The following RAD51B variants were observed in gnomAD, a reference collection of about 807,000 sequenced individuals.
RAD51B encodes the protein DNA repair protein RAD51 homolog 2.
RAD51B carries 38 observed loss-of-function variants against 42.2 expected under a neutral mutation model. The observed-to-expected ratio is 0.90, with a 90% CI of 0.70 to 1.18. The LOEUF is 1.18. Among genes scored for constraint, RAD51B ranks in the 50% most tolerant of loss-of-function variants. The pLI, the probability that RAD51B is intolerant of heterozygous loss-of-function variation, is 0.00. For synonymous variants in RAD51B, 154 were observed against 145.2 expected (o/e 1.06, Z -0.43); for missense variants, 373 against 400.7 (o/e 0.93, Z 0.59).
chr14:68,005,317 G>T (rs2075569704), intron 7 of RAD51B, among the ~76,000 whole-genome samples: 1 of 152,112 alleles, frequency 6.6e-6, no homozygotes, highest in Non-Finnish European at 1.5e-5. Context: ...CTCCCAAAGT[G>T]CTGGGATTAC....
At chr14:68,121,959 A>G (rs1018199854) in intron 7 of RAD51B, among the ~76,000 whole-genome samples, 83 of 151,916 alleles carry the variant, frequency 5.5e-4, no homozygotes, top group African/African-American at 1.9e-3. Context: ...TCTTATATAT[A>G]TATATTTCAC....
intron 7 of RAD51B, among the ~76,000 whole-genome samples, chr14:68,260,124 A>G (rs2080847588): frequency 6.6e-6 from 1 of 152,102 alleles, no homozygotes; most frequent in Admixed American, 6.5e-5. Context: ...GGAGGCCTCT[A>G]TGAGGAGGAC....
intron 7 of RAD51B, among the ~76,000 whole-genome samples, chr14:68,198,324 T>C (rs2079415607): frequency 6.6e-6 from 1 of 152,194 alleles, no homozygotes; most frequent in Non-Finnish European, 1.5e-5. Context: ...ACCACTCCTA[T>C]GTTGCTTAGG....
chr14:67,995,458 C>T (rs1161977596), intron 7 of RAD51B, among the ~76,000 whole-genome samples: 1 of 152,128 alleles, frequency 6.6e-6, no homozygotes, highest in African/African-American at 2.4e-5. Context: ...AAGTCATCTA[C>T]TCCACATGTC....
At chr14:68,559,289 T>C (rs1344737281) in intron 10 of RAD51B, among the ~76,000 whole-genome samples, 1 of 152,120 alleles carries the variant, frequency 6.6e-6, no homozygotes, top group African/African-American at 2.4e-5. Context: ...GTGTCATACA[T>C]GTAATATAAA....
chr14:68,212,865 GT>G (rs1475020212), intron 7 of RAD51B, among the ~76,000 whole-genome samples: 6 of 152,156 alleles, frequency 3.9e-5, no homozygotes, highest in Non-Finnish European at 8.8e-5. Flanking sequence ...CATCTTATTG[GT>G]TATGGAAATG....
chr14:68,481,743 A>G (rs1039389930), downstream of RAD51B, among the ~76,000 whole-genome samples: 1 of 152,226 alleles, frequency 6.6e-6, no homozygotes, highest in African/African-American at 2.4e-5. Flanking sequence ...TTTCTCTTTC[A>G]TCCCTTGCCC....
chr14:67,921,905 G>A (rs958097833), intron 7 of RAD51B, among the ~76,000 whole-genome samples: 1 of 152,072 alleles, frequency 6.6e-6, no homozygotes, highest in Non-Finnish European at 1.5e-5. Flanking sequence ...GTGTGTTAGT[G>A]TGCTCTGCGA....
chr14:68,497,011 CT>C (rs935841622), intron 10 of RAD51B: 9 of 1,095,388 alleles, frequency 8.2e-6, no homozygotes, highest in African/African-American at 1.6e-5. Flanking sequence ...GGGGCATGAA[CT>C]TTTTTCCCCA....
chr14:67,842,299 C>A (rs568953412), intron 4 of RAD51B, among the ~76,000 whole-genome samples: 4 of 152,100 alleles, frequency 2.6e-5, no homozygotes, highest in Non-Finnish European at 5.9e-5. Flanking sequence ...GAGCAGCAGT[C>A]TTTAGGGTTT....
chr14:68,095,758 G>A (rs948562005), intron 7 of RAD51B, among the ~76,000 whole-genome samples: 2 of 151,858 alleles, frequency 1.3e-5, no homozygotes, highest in East Asian at 1.9e-4. Context: ...GGCGGATCAC[G>A]AGGTCAGGAG....
intron 10 of RAD51B, among the ~76,000 whole-genome samples, chr14:68,542,233 A>G (rs891381980): frequency 1.1e-4 from 17 of 152,220 alleles, no homozygotes; most frequent in Admixed American, 1.0e-3. Flanking sequence ...AGTAGTTTTC[A>G]TGGAAATTTC....
At chr14:68,058,905 A>G (rs190488700) in intron 7 of RAD51B, among the ~76,000 whole-genome samples, 16 of 152,290 alleles carry the variant, frequency 1.1e-4, no homozygotes, top group Admixed American at 2.0e-4. Context: ...ACACCTGCCA[A>G]TTGAAGATAT....
chr14:68,595,136 C>T (rs903681862), exon 11 of RAD51B: 8 of 1,066,762 alleles, frequency 7.5e-6, no homozygotes, highest in South Asian at 4.5e-5. Context: ...ATGTTAGGAG[C>T]GCTGGAACGT....
At chr14:68,446,035 C>T (rs1028769457) in intron 9 of RAD51B, among the ~76,000 whole-genome samples, 1 of 152,204 alleles carries the variant, frequency 6.6e-6, no homozygotes, top group Non-Finnish European at 1.5e-5. Context: ...TTCTTTCCTA[C>T]CCATTTCTAC....
At chr14:68,063,037 T>A (rs1460783328) in intron 7 of RAD51B, among the ~76,000 whole-genome samples, 2 of 152,104 alleles carry the variant, frequency 1.3e-5, no homozygotes, top group Non-Finnish European at 2.9e-5. Flanking sequence ...ATGTAGTTGT[T>A]CATGATTGTC....
chr14:68,017,575 A>C (rs997465570), intron 7 of RAD51B, among the ~76,000 whole-genome samples: 3 of 152,200 alleles, frequency 2.0e-5, no homozygotes, highest in Admixed American at 1.3e-4. Flanking sequence ...TTTTTTAGAG[A>C]TCAATGCTGA....
chr14:68,571,058 C>T (rs1490002877), intron 10 of RAD51B, among the ~76,000 whole-genome samples: 1 of 152,264 alleles, frequency 6.6e-6, no homozygotes, highest in South Asian at 2.1e-4. Flanking sequence ...TAAGATCTAA[C>T]AACCCTCCCA....
At chr14:67,851,758 G>A (rs1221846545) in intron 4 of RAD51B, among the ~76,000 whole-genome samples, 1 of 152,152 alleles carries the variant, frequency 6.6e-6, no homozygotes, top group Non-Finnish European at 1.5e-5. Context: ...GAAGTAGCAA[G>A]GATGGGTACT....
Sources: allele counts gnomAD v4.1 joint callset (sites outside exome capture counted in the v4.1 genomes callset), GRCh38; gene constraint gnomAD v4.1.1; transcripts MANE v1.5; gene names NCBI Gene and HGNC (gene_info 2026-07-23, HGNC 2026-07-21).